The following DSCAM variants were observed in gnomAD, a reference collection of about 807,000 sequenced individuals.
DSCAM encodes the protein cell adhesion molecule DSCAM.
In DSCAM, 47 loss-of-function variants were observed where a neutral mutation model predicts 217.7. That is an observed-to-expected ratio of 0.22 (90% CI 0.17 to 0.28). The LOEUF (loss-of-function observed/expected upper bound fraction) is 0.28, where lower values mean the gene tolerates loss of function less well. Ranked by LOEUF, DSCAM falls within the 10% of genes least tolerant of loss-of-function variation. The pLI, the probability that DSCAM is intolerant of heterozygous loss-of-function variation, is 1.00. For missense variants in DSCAM, 2,080 were observed against 2,618.3 expected, an observed-to-expected ratio of 0.79 and a Z score of 4.49; for synonymous variants, 1,056 against 1,015.3, an observed-to-expected ratio of 1.04 and a Z score of -0.76.
chr21:40,655,571 T>A (rs2090065879), intron 3 of DSCAM, among the ~76,000 whole-genome samples: 2 of 151,866 alleles, frequency 1.3e-5, no homozygotes, highest in South Asian at 4.2e-4. Flanking sequence ...GCCTCCCAAG[T>A]GGCTAGGACT....
intron 1 of DSCAM, among the ~76,000 whole-genome samples, chr21:40,737,374 A>T (rs1242685609): frequency 6.6e-6 from 1 of 152,174 alleles, no homozygotes; most frequent in African/African-American, 2.4e-5. Context: ...ACAGTGGCTC[A>T]CGCCTGTAAT....
chr21:40,084,010 G>C lies in DSCAM; in HGVS notation c.4133-4C>G. On this transcript the variant is annotated splice_polypyrimidine_tract_variant and splice_region_variant and intron_variant, in intron 23 of 32. Coordinates refer to ENST00000400454, the MANE Select transcript of DSCAM (RefSeq NM_001389.5). Reference sequence around the variant, plus strand: ...AGCCGAGGCTGATCTGGTGGAACTGGAGAGGAAACAGTTTTTAGAAAACAA... The same window carrying C: ...AGCCGAGGCTGATCTGGTGGAACTGCAGAGGAAACAGTTTTTAGAAAACAA... The C allele has an allele frequency of 6.2e-7, 1 of 1,607,342 alleles. No homozygotes were observed. Among genetic ancestry groups the C allele is most frequent in the Non-Finnish European group, 8.5e-7 (1 of 1,177,100 alleles).
intron 11 of DSCAM, among the ~76,000 whole-genome samples, chr21:40,268,822 G>A (rs2123355280): frequency 6.6e-6 from 1 of 152,126 alleles, no homozygotes; most frequent in Non-Finnish European, 1.5e-5. Flanking sequence ...GTAGTGATGG[G>A]CATCTATAAT....
intron 8 of DSCAM, among the ~76,000 whole-genome samples, chr21:40,332,513 C>T (rs2074387931): frequency 6.6e-6 from 1 of 152,158 alleles, no homozygotes; most frequent in Non-Finnish European, 1.5e-5. Flanking sequence ...ACATTTTTAT[C>T]CAGCAGCCAA....
chr21:40,680,900 C>A (rs867415409), intron 3 of DSCAM, among the ~76,000 whole-genome samples: 2 of 152,050 alleles, frequency 1.3e-5, no homozygotes, highest in Non-Finnish European at 2.9e-5. Flanking sequence ...GAACTACACA[C>A]ACTGAAATAT....
intron 3 of DSCAM, among the ~76,000 whole-genome samples, chr21:40,576,340 A>G (rs895732205): frequency 2.0e-5 from 3 of 152,248 alleles, no homozygotes; most frequent in African/African-American, 7.2e-5. Context: ...GCTTCTATTT[A>G]CATAACAGGT....
At chr21:40,777,221 A>T (rs2091495998) in intron 1 of DSCAM, among the ~76,000 whole-genome samples, 1 of 152,132 alleles carries the variant, frequency 6.6e-6, no homozygotes, top group Non-Finnish European at 1.5e-5. Context: ...AAGGGCTCGA[A>T]TTCCACTGAT....
At chr21:40,178,226 T>A (rs537330473) in intron 15 of DSCAM, among the ~76,000 whole-genome samples, 2 of 152,102 alleles carry the variant, frequency 1.3e-5, no homozygotes, top group Admixed American at 6.5e-5. Flanking sequence ...TCGCAGTGTG[T>A]TAAGGGGTGT....
At chr21:40,288,253 A>C (rs1206371733) in intron 10 of DSCAM, among the ~76,000 whole-genome samples, 1 of 152,336 alleles carries the variant, frequency 6.6e-6, no homozygotes, top group East Asian at 1.9e-4. Context: ...GAATGCAATA[A>C]AATTATTAAT....
chr21:40,440,262 G>A (rs144055320), intron 3 of DSCAM, among the ~76,000 whole-genome samples: 1 of 152,344 alleles, frequency 6.6e-6, no homozygotes, highest in African/African-American at 2.4e-5. Flanking sequence ...AATCACAAAT[G>A]TTAAAGGCTC....
chr21:40,364,761 CATATAT>C (rs35060347), intron 4 of DSCAM, among the ~76,000 whole-genome samples: 3 of 139,600 alleles, frequency 2.1e-5, no homozygotes, highest in East Asian at 2.1e-4. Flanking sequence ...AGTATATATA[CATATAT>C]ATATATATAT....
intron 3 of DSCAM, among the ~76,000 whole-genome samples, chr21:40,543,613 T>C (rs1349224398): frequency 6.6e-6 from 1 of 152,020 alleles, no homozygotes; most frequent in Non-Finnish European, 1.5e-5. Flanking sequence ...GGGGCAGGGA[T>C]CCCAAATCTA....
intron 3 of DSCAM, among the ~76,000 whole-genome samples, chr21:40,483,907 G>C (rs1055976850): frequency 6.6e-6 from 1 of 152,158 alleles, no homozygotes; most frequent in Non-Finnish European, 1.5e-5. Flanking sequence ...AACTCTAGAT[G>C]TTTAATCACT....
chr21:40,148,110 C>A (rs1362926592), intron 16 of DSCAM, among the ~76,000 whole-genome samples: 1 of 152,108 alleles, frequency 6.6e-6, no homozygotes, highest in Non-Finnish European at 1.5e-5. Context: ...GAGCTCTCCT[C>A]TATTTTTCTT....
At position 40,494,716 on chromosome 21, in the gene DSCAM, A is replaced by C. The variant is rs569650619; in HGVS notation, c.509-125471T>G. 2.0e-5 allele frequency among the ~76,000 whole-genome samples: 3 copies of C among 152,174 alleles called. No homozygotes were observed. In the South Asian group the frequency reaches 6.2e-4, roughly 32 times the overall value. On this transcript the variant is annotated intron_variant, in intron 3 of 32. Transcript: ENST00000400454. Reference sequence around the variant, plus strand: ...TTCAAGGAACAAGAAAAAGGAGAACAAACTAAGCCCATAATTGGTAGAAGG... The same window carrying C: ...TTCAAGGAACAAGAAAAAGGAGAACCAACTAAGCCCATAATTGGTAGAAGG...
At chr21:40,534,551 G>T (rs1204852274) in intron 3 of DSCAM, among the ~76,000 whole-genome samples, 1 of 152,158 alleles carries the variant, frequency 6.6e-6, no homozygotes, top group Non-Finnish European at 1.5e-5. Flanking sequence ...AGACTCCACA[G>T]GCATGTCCCC....
chr21:40,013,272 C>G lies in DSCAM; in HGVS notation c.5801G>C (p.Ser1934Thr), dbSNP rs1414544303. The G allele has an allele frequency of 6.2e-7, 1 of 1,613,836 alleles. No individual in the cohort carries two copies. The highest frequency in any genetic ancestry group is 1.7e-5 in the Admixed American group (1 of 59,982). ...LGQACLEPQKSRTLKRPTVLE... is the reference protein window; with the variant it reads ...LGQACLEPQKTRTLKRPTVLE... ...GACCGTGGGGCGCTTCAGGGTCCGGCTTTTCTGAGGTTCCAAGCATGCTTG... is the reference window on the plus strand; with the variant it reads ...GACCGTGGGGCGCTTCAGGGTCCGGGTTTTCTGAGGTTCCAAGCATGCTTG... The change falls in exon 33 of 33, where the codon AGC becomes ACC. Residue 1934 changes from serine to threonine, a missense_variant. Around this residue, in one of 5 missense-constraint regions of DSCAM, gnomAD observed 145 missense variants for 138.5 expected, o/e 1.05. Transcript: ENST00000400454.
At chr21:40,445,235 C>G (rs997840772) in intron 3 of DSCAM, among the ~76,000 whole-genome samples, 1 of 152,126 alleles carries the variant, frequency 6.6e-6, no homozygotes, top group African/African-American at 2.4e-5. Flanking sequence ...GTATTAGGTT[C>G]CAACATATGA....
intron 3 of DSCAM, among the ~76,000 whole-genome samples, chr21:40,520,949 A>AC (rs1431430219): frequency 2.0e-5 from 3 of 152,234 alleles, no homozygotes; most frequent in Admixed American, 6.5e-5. Flanking sequence ...TATCACATGT[A>AC]CCCTGTAAGT....
Sources: gnomAD v4.1 joint callset for allele counts (sites outside exome capture counted in the v4.1 genomes callset) on GRCh38, gnomAD v4.1.1 for gene constraint, gnomAD v4.1.1 regional missense constraint, MANE v1.5 for transcripts, NCBI Gene and HGNC (gene_info 2026-07-23, HGNC 2026-07-21) for gene names.